The following COQ2 variants were observed in gnomAD, a reference collection of about 807,000 sequenced individuals.
COQ2 encodes the protein coenzyme Q2, polyprenyltransferase, also known as 4-hydroxybenzoate polyprenyltransferase, mitochondrial.
A neutral mutation model predicts 35.7 loss-of-function variants in COQ2; 25 were observed. That is an observed-to-expected ratio of 0.70 (90% CI 0.51 to 0.98). The LOEUF is 0.98. Among genes scored for constraint, COQ2 ranks in the 50% least tolerant of loss-of-function variants. COQ2 has a pLI of 0.00. For synonymous variants in COQ2, 206 were observed against 186.2 expected (o/e 1.11, Z -0.86); for missense variants, 488 against 473.5 (o/e 1.03, Z -0.28).
At chr4:83,272,023 A>G in intron 4 of COQ2, 64 bp downstream of exon 4, 1 of 1,025,172 alleles carries the variant, frequency 9.8e-7, no homozygotes, top group Non-Finnish European at 1.4e-6. Context: ...CTATTTACCT[A>G]TCTCTCCATA....
chr4:83,276,480 G>A (rs1735186359), intron 2 of COQ2, among the ~76,000 whole-genome samples: 1 of 152,148 alleles, frequency 6.6e-6, no homozygotes. Context: ...TCAGAGAAAT[G>A]CAAATTAAAA....
At chr4:83,282,322 A>T (rs1735344142) in intron 1 of COQ2, among the ~76,000 whole-genome samples, 1 of 152,242 alleles carries the variant, frequency 6.6e-6, no homozygotes, top group African/African-American at 2.4e-5. Context: ...ACTATTGATC[A>T]ATGAAGGTAA....
intron 1 of COQ2, 71 bp downstream of exon 1, chr4:83,284,441 G>T (rs1353273546): frequency 8.0e-6 from 12 of 1,490,964 alleles, no homozygotes; most frequent in Non-Finnish European, 1.1e-5. Context: ...GGCCGCCGCG[G>T]ACAGCTCCGC....
chr4:83,269,746 C>T, intron 5 of COQ2, 114 bp downstream of exon 5: 3 of 975,834 alleles, frequency 3.1e-6, no homozygotes, highest in East Asian at 3.2e-5. Flanking sequence ...TAATTTGGTT[C>T]TTAAAGTTCT....
chr4:83,278,873 A>C, intron 2 of COQ2, 75 bp downstream of exon 2: 2 of 1,389,822 alleles, frequency 1.4e-6, no homozygotes, highest in Non-Finnish European at 1.9e-6. Context: ...TTTATATGGC[A>C]TTCAAAAGTG....
intron 1 of COQ2, among the ~76,000 whole-genome samples, chr4:83,282,001 C>T (rs1306452695): frequency 6.6e-6 from 1 of 151,890 alleles, no homozygotes; most frequent in Non-Finnish European, 1.5e-5. Flanking sequence ...TTTCATTCCC[C>T]ATACTTTTCT....
At position 83,279,012 on chromosome 4, in the gene COQ2, G is replaced by T; in HGVS notation, c.356C>A (p.Ala119Asp). The change falls in exon 2 of 7, where the codon GCT becomes GAT. Residue 119 changes from alanine (A) to aspartate (D), a missense_variant. Transcript: ENST00000647002. ...ACAGCCTGCTCCACGCATCAGAATA[G>T]CTCCAGTGCCAAAGAGGGAGAGCAT... ...WYMLSLFGTGAILMRGAGCTI... is the reference protein window; with the variant it reads ...WYMLSLFGTGDILMRGAGCTI... 1 of 1,608,560 alleles carries T rather than the reference G, an allele frequency of 6.2e-7. No individual in the cohort carries two copies. The highest frequency in any genetic ancestry group is 8.5e-7 in the Non-Finnish European group (1 of 1,177,336).
chr4:83,281,690 T>C (rs1735327156), intron 1 of COQ2: 1 of 152,216 alleles, frequency 6.6e-6, no homozygotes, highest in African/African-American at 2.4e-5. Context: ...CTGTACCAGG[T>C]GGTTTCACAG....
intron 2 of COQ2, 122 bp downstream of exon 2, chr4:83,278,826 A>G: frequency 9.0e-7 from 1 of 1,110,758 alleles, no homozygotes; most frequent in Non-Finnish European, 1.2e-6. Flanking sequence ...GGCATTTTCC[A>G]TGCTGGATTT....
At chr4:83,272,205 T>C (rs375784144) in intron 3 of COQ2, 33 bp from the exon 4 acceptor site, 61 of 1,427,190 alleles carry the variant, frequency 4.3e-5, no homozygotes, top group Non-Finnish European at 5.6e-5. Context: ...AAGTGATTAT[T>C]ACCACTACCT....
At chr4:83,265,155 T>C (rs563356757) in intron 6 of COQ2, among the ~76,000 whole-genome samples, 1 of 152,366 alleles carries the variant, frequency 6.6e-6, no homozygotes, top group African/African-American at 2.4e-5. Flanking sequence ...CGTATGTTCC[T>C]ATCTTCCTTA....
Position 83,275,134 on chromosome 4 carries a change from A to G in COQ2, c.421-1517T>C, listed in dbSNP as rs527780164. On this transcript the variant is annotated intron_variant, in intron 2 of 6. Coordinates refer to ENST00000647002, the MANE Select transcript of COQ2 (RefSeq NM_001358921.2). ...AAAAATCTTTCTAAGAAATCCTAAC[A>G]TCTCTGCTATCTCAGTGTTGTTCAT... 6.6e-5 allele frequency among the ~76,000 whole-genome samples: 10 copies of G among 152,202 alleles called. No individual in the cohort carries two copies. The South Asian group carries it at 2.1e-3, about 32-fold the overall frequency.
At chr4:83,284,805 C>G, upstream of COQ2, 1 of 1,569,408 alleles carries the variant, frequency 6.4e-7, no homozygotes, top group Non-Finnish European at 8.6e-7. Context: ...TGACGTCATT[C>G]CCCGGCAGGC....
chr4:83,269,592 GC>G lies in COQ2; in HGVS notation c.762+267del, dbSNP rs374509861. Among the ~76,000 whole-genome samples, 346 of 152,196 alleles carry G rather than the reference GC, an allele frequency of 2.3e-3. 2 individuals are homozygous for G. Among genetic ancestry groups the G allele is most frequent in the African/African-American group, 7.8e-3 (324 of 41,512 alleles). On this transcript the variant is annotated intron_variant, in intron 5 of 6. Coordinates refer to ENST00000647002, the MANE Select transcript of COQ2 (RefSeq NM_001358921.2). ...TGTAAAGTACTTAAAACAGTGCCTGGCACATAGTAAATACTACTTTATTGCT... is the reference window on the plus strand; with the variant it reads ...TGTAAAGTACTTAAAACAGTGCCTGGACATAGTAAATACTACTTTATTGCT...
intron 6 of COQ2, among the ~76,000 whole-genome samples, chr4:83,265,219 T>C (rs1479197417): frequency 6.6e-6 from 1 of 152,180 alleles, no homozygotes; most frequent in Non-Finnish European, 1.5e-5. Context: ...ATTATCATGA[T>C]TTCCTTTCTC....
chr4:83,280,325 CT>C (rs1735292104), intron 1 of COQ2, among the ~76,000 whole-genome samples: 2 of 152,174 alleles, frequency 1.3e-5, no homozygotes, highest in South Asian at 4.1e-4. Flanking sequence ...TCTGAGCTTT[CT>C]TTCCCTATAG....
chr4:83,280,511 A>G (rs1001848617), intron 1 of COQ2, among the ~76,000 whole-genome samples: 10 of 152,360 alleles, frequency 6.6e-5, no homozygotes, highest in Middle Eastern at 6.8e-3. Flanking sequence ...AAGAACTGGG[A>G]ATACAATGGT....
At chr4:83,269,280 C>A (rs926793751) in intron 5 of COQ2, among the ~76,000 whole-genome samples, 2 of 151,942 alleles carry the variant, frequency 1.3e-5, no homozygotes, top group Non-Finnish European at 2.9e-5. Context: ...TAAATTGGGG[C>A]ATGGACTATC....
intron 6 of COQ2, chr4:83,267,041 A>G (rs908441828): frequency 1.3e-5 from 5 of 372,074 alleles, no homozygotes; most frequent in South Asian, 1.9e-5. Flanking sequence ...GGAAAATCAG[A>G]TGGGAAAATT....
Sources: gnomAD v4.1 joint callset for allele counts (sites outside exome capture counted in the v4.1 genomes callset) on GRCh38, gnomAD v4.1.1 for gene constraint, MANE v1.5 for transcripts, NCBI Gene and HGNC (gene_info 2026-07-23, HGNC 2026-07-21) for gene names.